Variants in TENM2 observed in about 807,000 individuals in gnomAD.
The protein encoded by TENM2 is teneurin-2.
A neutral mutation model predicts 245.2 loss-of-function variants in TENM2; 52 were observed. The ratio of observed to expected loss-of-function variants is 0.21; its 90% CI spans 0.17 to 0.27. The LOEUF (loss-of-function observed/expected upper bound fraction) is 0.27. TENM2 is among the 10% of genes least tolerant of loss of function. The pLI, the probability that TENM2 is intolerant of heterozygous loss-of-function variation, is 1.00. For missense variants in TENM2, 3,046 were observed against 3,666.8 expected (o/e 0.83, Z 4.37); for synonymous variants, 1,363 against 1,438.9 (o/e 0.95, Z 1.19).
chr5:167,587,486 A>G (rs2127697921), intron 2 of TENM2, among the ~76,000 whole-genome samples: 1 of 152,274 alleles, frequency 6.6e-6, no homozygotes, highest in South Asian at 2.1e-4. Flanking sequence ...GCATGATACC[A>G]GTGGGTCGGA....
In TENM2 at chr5:167,766,357, A is replaced by G. The variant is rs553843386; in HGVS notation, c.503-109629A>G. Among the ~76,000 whole-genome samples the G allele has an allele frequency of 8.5e-5, 13 of 152,350 alleles. No individual in the cohort carries two copies. The East Asian group carries it at 2.5e-3, about 29-fold the overall frequency. On this transcript the variant is annotated intron_variant, in intron 2 of 28. Transcript: ENST00000518659. ...ACACAGTGGGATGATACAGAATTAA[A>G]GAGATTCCCGCAGTTAACAGATCAC...
In TENM2 at chr5:168,003,312, C is replaced by A. The variant is rs200999737; in HGVS notation, c.1186+10130C>A. Among the ~76,000 whole-genome samples, 489 of 118,504 alleles carry A rather than the reference C, an allele frequency of 4.1e-3. 2 individuals are homozygous for A. Among genetic ancestry groups the A allele is most frequent in the South Asian group, 7.0e-3 (26 of 3,690 alleles). The allele number at this position is 118,504 out of a possible 152,430, so 77.7% of individuals were successfully genotyped here. ...TACAAAGTTTTTAAGAAAAAACACA[C>A]ACACACACACACACACACACACACA... On this transcript the variant is annotated intron_variant, in intron 5 of 28. Coordinates refer to ENST00000518659, the Ensembl canonical transcript of TENM2.
At chr5:168,031,148 C>G (rs1420087484) in intron 5 of TENM2, among the ~76,000 whole-genome samples, 2 of 152,174 alleles carry the variant, frequency 1.3e-5, no homozygotes, top group Admixed American at 6.6e-5. Flanking sequence ...AAAAGTGCAG[C>G]TTCAAGAGTC....
In TENM2 at chr5:168,238,258, A is replaced by AGAAAAGAAAAGAAAAGAAAAGAAAG. The variant is rs1562321164; in HGVS notation, c.5521-6138_5521-6137insGGAAAAGAAAAGAAAAGAAAAGAAA. On this transcript the variant is annotated intron_variant, in intron 25 of 28. Coordinates refer to ENST00000518659, the Ensembl canonical transcript of TENM2. ...AGAAAAGAAAAGAAAAGAAAAGAAAAGAAAAGAAAAGAAAAGAAAAGAAAA... is the reference window on the plus strand; with the variant it reads ...AGAAAAGAAAAGAAAAGAAAAGAAAAGAAAAGAAAAGAAAAGAAAAGAAAGGAAAAGAAAAGAAAAGAAAAGAAAA... Among the ~76,000 whole-genome samples the AGAAAAGAAAAGAAAAGAAAAGAAAG allele has an allele frequency of 1.2e-4, 18 of 145,682 alleles. 1 individual carries two copies. The highest frequency in any genetic ancestry group is 4.8e-4 in the African/African-American group (18 of 37,356).
chr5:167,547,290 C>T (rs918990919), intron 2 of TENM2, among the ~76,000 whole-genome samples: 14 of 152,190 alleles, frequency 9.2e-5, no homozygotes, highest in Admixed American at 3.3e-4. Context: ...AGGCTGGTCT[C>T]GAACACCTGA....
chr5:167,033,379 T>C, the TENM2 span, among the ~76,000 whole-genome samples: 1 of 152,224 alleles, frequency 6.6e-6, no homozygotes, highest in African/African-American at 2.4e-5. Flanking sequence ...ATAAAGCAGT[T>C]TGGCTCAAGT....
chr5:167,473,262 A>G (rs1391576742), intron 2 of TENM2, among the ~76,000 whole-genome samples: 1 of 152,192 alleles, frequency 6.6e-6, no homozygotes, highest in Admixed American at 6.5e-5. Context: ...AAATTATTTG[A>G]CAAACATAAT....
intron 8 of TENM2, among the ~76,000 whole-genome samples, chr5:168,092,804 C>A (rs887585853): frequency 6.6e-6 from 1 of 152,174 alleles, no homozygotes; most frequent in Admixed American, 6.5e-5. Context: ...CAGCACACAC[C>A]CTGCACAGCA....
intron 9 of TENM2, among the ~76,000 whole-genome samples, chr5:168,111,101 G>C (rs1385723546): frequency 6.6e-6 from 1 of 152,036 alleles, no homozygotes; most frequent in Non-Finnish European, 1.5e-5. Context: ...AATTCACCCC[G>C]GATTAATTAA....
intron 3 of TENM2, among the ~76,000 whole-genome samples, chr5:167,936,536 T>C (rs1304868124): frequency 2.0e-5 from 3 of 152,184 alleles, no homozygotes; most frequent in Non-Finnish European, 4.4e-5. Flanking sequence ...AGCCTCAGTG[T>C]CTCTGCCTGA....
At chr5:168,040,199 G>A (rs1581137467) in intron 5 of TENM2, among the ~76,000 whole-genome samples, 1 of 152,222 alleles carries the variant, frequency 6.6e-6, no homozygotes, top group African/African-American at 2.4e-5. Flanking sequence ...GAAGTAGGAA[G>A]GCAGCAGACA....
At chr5:168,260,512 A>G in intron 28 of TENM2, 99 bp downstream of exon 30, 1 of 1,414,944 alleles carries the variant, frequency 7.1e-7, no homozygotes, top group Non-Finnish European at 9.7e-7. Context: ...GCAGGAAAAC[A>G]TTGGAGCTGG....
At chr5:168,037,919 T>A (rs556925279) in intron 5 of TENM2, among the ~76,000 whole-genome samples, 2 of 152,290 alleles carry the variant, frequency 1.3e-5, no homozygotes, top group Admixed American at 6.5e-5. Context: ...CCTCTGCCAT[T>A]CTAATGTGAC....
At chr5:167,623,850 A>G (rs1372427766) in intron 2 of TENM2, among the ~76,000 whole-genome samples, 1 of 152,188 alleles carries the variant, frequency 6.6e-6, no homozygotes, top group South Asian at 2.1e-4. Context: ...TTTAAAAGTT[A>G]GGTGTTTTTC....
chr5:167,613,128 T>C (rs1464375479), intron 2 of TENM2, among the ~76,000 whole-genome samples: 1 of 152,144 alleles, frequency 6.6e-6, no homozygotes, highest in East Asian at 1.9e-4. Context: ...TAGAACATAA[T>C]GCTTAAAAAC....
chr5:167,609,519 C>CAAAAAAAAAAAATT (rs1171421408), intron 2 of TENM2, among the ~76,000 whole-genome samples: 1 of 128,952 alleles, frequency 7.8e-6, no homozygotes, highest in African/African-American at 3.1e-5. Flanking sequence ...AAAACAAAAC[C>CAAAAAAAAAAAATT]TTACCTAGAA....
At chr5:168,076,459 C>T (rs1378719655) in intron 7 of TENM2, among the ~76,000 whole-genome samples, 2 of 152,090 alleles carry the variant, frequency 1.3e-5, no homozygotes, top group South Asian at 2.1e-4. Flanking sequence ...CTCCTGACCT[C>T]GTAATCCACC....
chr5:167,464,521 T>G (rs1344362098), intron 2 of TENM2, among the ~76,000 whole-genome samples: 2 of 152,218 alleles, frequency 1.3e-5, no homozygotes, highest in African/African-American at 2.4e-5. Flanking sequence ...ATTGCTGATG[T>G]GAGCCTGTAT....
At chr5:167,840,714 A>T (rs531807416) in intron 2 of TENM2, among the ~76,000 whole-genome samples, 18 of 152,330 alleles carry the variant, frequency 1.2e-4, no homozygotes, top group African/African-American at 4.1e-4. Context: ...AATAAAAGAA[A>T]CATCAATAAA....
Sources: gnomAD v4.1 joint callset for allele counts (sites outside exome capture counted in the v4.1 genomes callset) on GRCh38, gnomAD v4.1.1 for gene constraint, MANE v1.5 for transcripts, NCBI Gene and HGNC (gene_info 2026-07-23, HGNC 2026-07-21) for gene names.